PLCB1: variants seen among roughly 807,000 people sequenced by gnomAD.
PLCB1 encodes 1-phosphatidylinositol 4,5-bisphosphate phosphodiesterase beta-1.
A neutral mutation model predicts 161.8 loss-of-function variants in PLCB1; 46 were observed. That is an observed-to-expected ratio of 0.28 (90% CI 0.22 to 0.36). The LOEUF (loss-of-function observed/expected upper bound fraction) is 0.36, where lower values mean the gene tolerates loss of function less well. Among genes scored for constraint, PLCB1 ranks in the 10% least tolerant of loss-of-function variants. The probability of loss-of-function intolerance (pLI) is 1.00; values close to 1 mark genes in which losing one functional copy is unlikely to be tolerated. For missense variants in PLCB1, 1,016 were observed against 1,472.5 expected, an observed-to-expected ratio of 0.69 and a Z score of 5.07; for synonymous variants, 517 against 503.7, an observed-to-expected ratio of 1.03 and a Z score of -0.35.
chr20:8,747,171 G>A (rs1005288830), intron 23 of PLCB1, among the ~76,000 whole-genome samples: 1 of 152,164 alleles, frequency 6.6e-6, no homozygotes, highest in Non-Finnish European at 1.5e-5. Context: ...ATTTTTAGTT[G>A]AATGTCAAGA....
rs758314873 is a variant in PLCB1, at chr20:8,365,143, C to T, written c.178-6239C>T. 3.2e-4 allele frequency among the ~76,000 whole-genome samples: 48 copies of T among 152,068 alleles called. 1 individual carries two copies. The highest frequency in any genetic ancestry group is 6.8e-4 in the Non-Finnish European group (46 of 68,006). On this transcript the variant is annotated intron_variant, in intron 2 of 31. Coordinates refer to ENST00000338037, the MANE Select transcript of PLCB1 (RefSeq NM_015192.4). ...TTCAGTTGGTTTAGCAGCAGCCGAA[C>T]GAGGGAGATGTTGCTGGCATCTGCA...
At chr20:8,580,940 T>G (rs1986815227) in intron 3 of PLCB1, among the ~76,000 whole-genome samples, 1 of 152,208 alleles carries the variant, frequency 6.6e-6, no homozygotes, top group Admixed American at 6.5e-5. Flanking sequence ...TACAAACATT[T>G]CCTTTACAAC....
chr20:8,228,276 G>A (rs1979811497), intron 2 of PLCB1, among the ~76,000 whole-genome samples: 1 of 152,122 alleles, frequency 6.6e-6, no homozygotes, highest in South Asian at 2.1e-4. Flanking sequence ...GGCCAGCACT[G>A]ATTATTCATA....
intron 2 of PLCB1, among the ~76,000 whole-genome samples, chr20:8,253,452 G>A (rs771091315): frequency 1.3e-4 from 20 of 151,862 alleles, no homozygotes; most frequent in Non-Finnish European, 2.1e-4. Flanking sequence ...TTATCCTCAG[G>A]TGACTTTAAT....
intron 3 of PLCB1, among the ~76,000 whole-genome samples, chr20:8,506,180 TG>T (rs1219735801): frequency 6.6e-6 from 1 of 152,238 alleles, no homozygotes; most frequent in Non-Finnish European, 1.5e-5. Context: ...GCAAGAATTT[TG>T]GAAGGTATTA....
chr20:8,235,976 G>A (rs1980297460), intron 2 of PLCB1, among the ~76,000 whole-genome samples: 1 of 152,034 alleles, frequency 6.6e-6, no homozygotes. Flanking sequence ...TATATTTCTG[G>A]AAGGAATAAT....
chr20:8,559,423 T>C (rs771116954), intron 3 of PLCB1, among the ~76,000 whole-genome samples: 1 of 151,824 alleles, frequency 6.6e-6, no homozygotes, highest in Non-Finnish European at 1.5e-5. Flanking sequence ...ATAAGACATA[T>C]AGAACACAAA....
chr20:8,456,440 G>T (rs1055131984), intron 3 of PLCB1, among the ~76,000 whole-genome samples: 1 of 152,146 alleles, frequency 6.6e-6, no homozygotes, highest in Admixed American at 6.6e-5. Flanking sequence ...AGTAGCACTG[G>T]TTTTTGGGAA....
intron 3 of PLCB1, among the ~76,000 whole-genome samples, chr20:8,556,488 TA>T (rs1402762584): frequency 6.6e-6 from 1 of 152,022 alleles, no homozygotes; most frequent in African/African-American, 2.4e-5. Flanking sequence ...AAAGATTCCT[TA>T]TAATAGAAAA....
intron 16 of PLCB1, among the ~76,000 whole-genome samples, 184 bp from the exon 17 acceptor site, chr20:8,727,125 A>G (rs1979980806): frequency 6.6e-6 from 1 of 152,084 alleles, no homozygotes; most frequent in Non-Finnish European, 1.5e-5. Context: ...AACTAACAAG[A>G]CTCAACTTTT....
intron 11 of PLCB1, among the ~76,000 whole-genome samples, chr20:8,698,683 C>T (rs1231485120): frequency 1.3e-5 from 2 of 152,052 alleles, no homozygotes; most frequent in African/African-American, 2.4e-5. Context: ...ACTTACAGGA[C>T]TTGGGCTTAT....
At chr20:8,201,374 A>T (rs1026556403) in intron 2 of PLCB1, among the ~76,000 whole-genome samples, 2 of 152,024 alleles carry the variant, frequency 1.3e-5, no homozygotes, top group Admixed American at 1.3e-4. Flanking sequence ...CTCTCCATGT[A>T]TGTAATCAAA....
At chr20:8,289,967 C>T (rs773826140) in intron 2 of PLCB1, among the ~76,000 whole-genome samples, 3 of 152,176 alleles carry the variant, frequency 2.0e-5, no homozygotes, top group African/African-American at 7.2e-5. Flanking sequence ...AATATTTCAA[C>T]ATTTAATATA....
intron 9 of PLCB1, among the ~76,000 whole-genome samples, chr20:8,672,684 T>C (rs1184851452): frequency 6.6e-6 from 1 of 152,186 alleles, no homozygotes; most frequent in Non-Finnish European, 1.5e-5. Context: ...CTATGCCCTA[T>C]GTACTTTTTT....
At chr20:8,847,085 C>T (rs902667663) in intron 31 of PLCB1, among the ~76,000 whole-genome samples, 1 of 152,198 alleles carries the variant, frequency 6.6e-6, no homozygotes, top group Non-Finnish European at 1.5e-5. Flanking sequence ...AAAGCCTGGG[C>T]ATTTTAAAAG....
At chr20:8,711,474 A>G (rs1267337031) in intron 12 of PLCB1, among the ~76,000 whole-genome samples, 1 of 152,264 alleles carries the variant, frequency 6.6e-6, no homozygotes, top group Admixed American at 6.5e-5. Context: ...TTTAGCTATT[A>G]AAAGTTCATT....
chr20:8,604,480 A>G (rs6086533), intron 3 of PLCB1, among the ~76,000 whole-genome samples: 45,629 of 151,926 alleles, frequency 0.3, 8,333 homozygotes, highest in Non-Finnish European at 0.4. Context: ...TTATACAATT[A>G]CTAAGGTTTC....
chr20:8,261,789 A>G (rs1257743681), intron 2 of PLCB1, among the ~76,000 whole-genome samples: 4 of 152,198 alleles, frequency 2.6e-5, no homozygotes, highest in African/African-American at 9.6e-5. Context: ...TGAAGACAGA[A>G]AACTTACTTT....
chr20:8,284,333 G>A (rs1600286353), intron 2 of PLCB1, among the ~76,000 whole-genome samples: 1 of 152,240 alleles, frequency 6.6e-6, no homozygotes, highest in South Asian at 2.1e-4. Flanking sequence ...AAGGACTTGG[G>A]TGATTGTATA....
Sources: gnomAD v4.1 joint callset for allele counts (sites outside exome capture counted in the v4.1 genomes callset) on GRCh38, gnomAD v4.1.1 for gene constraint, MANE v1.5 for transcripts, NCBI Gene and HGNC (gene_info 2026-07-23, HGNC 2026-07-21) for gene names.